PLCG2: variants seen among roughly 807,000 people sequenced by gnomAD.
PLCG2 encodes the protein 1-phosphatidylinositol 4,5-bisphosphate phosphodiesterase gamma-2.
Under a neutral mutation model 175.6 loss-of-function variants are expected in PLCG2, and 69 were observed. The observed-to-expected ratio is 0.39, with a 90% CI of 0.32 to 0.48. The LOEUF (loss-of-function observed/expected upper bound fraction) is 0.48, where lower values mean the gene tolerates loss of function less well. Ranked by LOEUF, PLCG2 falls within the 20% of genes least tolerant of loss-of-function variation. PLCG2 has a pLI of 0.91. For synonymous variants in PLCG2, 827 were observed against 624.0 expected, an observed-to-expected ratio of 1.33 and a Z score of -4.85; for missense variants, 1,798 against 1,650.9, an observed-to-expected ratio of 1.09 and a Z score of -1.54.
At chr16:81,855,197 A>C (rs2143477333) in intron 3 of PLCG2, among the ~76,000 whole-genome samples, 1 of 151,780 alleles carries the variant, frequency 6.6e-6, no homozygotes, top group South Asian at 2.1e-4. Flanking sequence ...TGTCTCAAAA[A>C]AAAAAAAAAA....
At chr16:81,865,319 G>C (rs913962704) in intron 5 of PLCG2, among the ~76,000 whole-genome samples, 2 of 152,150 alleles carry the variant, frequency 1.3e-5, no homozygotes, top group Non-Finnish European at 2.9e-5. Context: ...GGCTCAGCCT[G>C]CCTGTGCTGG....
chr16:81,922,966 G>T (rs1168177489), intron 21 of PLCG2, among the ~76,000 whole-genome samples: 1 of 152,162 alleles, frequency 6.6e-6, no homozygotes, highest in Non-Finnish European at 1.5e-5. Context: ...GGTCCTGCAG[G>T]AGTGTAGATA....
intron 14 of PLCG2, among the ~76,000 whole-genome samples, chr16:81,902,344 T>A (rs1244562651): frequency 6.6e-6 from 1 of 152,176 alleles, no homozygotes; most frequent in African/African-American, 2.4e-5. Context: ...AGGAACTGAT[T>A]TCTCACGGTT....
At chr16:81,823,205 C>G (rs960020206) in intron 2 of PLCG2, among the ~76,000 whole-genome samples, 2 of 152,338 alleles carry the variant, frequency 1.3e-5, no homozygotes, top group East Asian at 3.9e-4. Flanking sequence ...GTTTTCAGTT[C>G]AGCCTAGGGG....
intron 1 of PLCG2, chr16:81,739,739 T>C (rs1781101834): frequency 2.0e-5 from 3 of 152,278 alleles, no homozygotes; most frequent in Admixed American, 2.0e-4. Context: ...GGCAAGGTAC[T>C]TAAACACCCT....
intron 2 of PLCG2, among the ~76,000 whole-genome samples, chr16:81,786,899 C>G (rs749473958): frequency 6.6e-6 from 1 of 152,222 alleles, no homozygotes; most frequent in Non-Finnish European, 1.5e-5. Context: ...TTTCTCCTCC[C>G]TAAACCATCC....
intron 2 of PLCG2, among the ~76,000 whole-genome samples, chr16:81,831,439 G>A (rs890288206): frequency 3.3e-5 from 5 of 152,216 alleles, no homozygotes; most frequent in Non-Finnish European, 7.3e-5. Context: ...TAAGCACTTG[G>A]CCATGAACTT....
chr16:81,858,335 C>G lies in PLCG2; in HGVS notation c.410C>G (p.Ser137Cys). The G allele has an allele frequency of 6.2e-7, 1 of 1,613,270 alleles. No individual in the cohort carries two copies. The highest frequency in any genetic ancestry group is 1.3e-5 in the African/African-American group (1 of 75,018). ...KILHQEAMNA[S>C]TPTIIESWLR... is the part of the protein sequence containing the mutation. ...TTACACCAGGAAGCGATGAATGCGT[C>G]CACGCCCACCATTATCGAGAGGTAG... is the stretch of plus-strand genomic sequence containing the variant. Residue 137 changes from serine (S) to cysteine (C), a missense_variant, in exon 4 of 33, where the codon TCC (serine) becomes TGC (cysteine). By Grantham distance (112) the Ser-to-Cys change is moderately radical. Coordinates refer to ENST00000564138, the MANE Select transcript of PLCG2 (RefSeq NM_002661.5).
chr16:81,878,654 C>G (rs1189585687), intron 7 of PLCG2, among the ~76,000 whole-genome samples: 1 of 152,166 alleles, frequency 6.6e-6, no homozygotes, highest in Non-Finnish European at 1.5e-5. Flanking sequence ...AGCACTTCAT[C>G]TTGGCACGTC....
intron 31 of PLCG2, among the ~76,000 whole-genome samples, chr16:81,954,180 C>G (rs1228067149): frequency 6.6e-6 from 1 of 151,864 alleles, no homozygotes; most frequent in Non-Finnish European, 1.5e-5. Flanking sequence ...TGCCACCATG[C>G]CTGGCTAATT....
intron 2 of PLCG2, among the ~76,000 whole-genome samples, chr16:81,803,091 A>G (rs962850376): frequency 6.7e-6 from 1 of 149,344 alleles, no homozygotes; most frequent in African/African-American, 2.5e-5. Flanking sequence ...ATTTCTCACA[A>G]TACATGGCTT....
intron 1 of PLCG2, among the ~76,000 whole-genome samples, chr16:81,782,173 G>T (rs1910766336): frequency 6.6e-6 from 1 of 152,022 alleles, no homozygotes; most frequent in South Asian, 2.1e-4. Flanking sequence ...ACCGTGCCTG[G>T]CCCATTTTAT....
At chr16:81,839,526 A>G (rs1567491789) in intron 2 of PLCG2, among the ~76,000 whole-genome samples, 1 of 152,192 alleles carries the variant, frequency 6.6e-6, no homozygotes, top group Non-Finnish European at 1.5e-5. Context: ...ATATTTGCAT[A>G]CCATGAGTAC....
At chr16:81,853,913 CTTATTA>C (rs1200133260) in intron 2 of PLCG2, among the ~76,000 whole-genome samples, 1 of 152,078 alleles carries the variant, frequency 6.6e-6, no homozygotes, top group Admixed American at 6.6e-5. Context: ...GGGTTGGCCT[CTTATTA>C]TTATTTTTAA....
Position 81,910,865 on chromosome 16 carries a change from C to T in PLCG2, c.1934+145C>T, listed in dbSNP as rs531472087. 3.0e-5 allele frequency: 22 copies of T among 721,622 alleles called. No homozygotes were observed. In the East Asian group the frequency reaches 4.6e-4, roughly 15 times the overall value. 44.7% of individuals were successfully genotyped at this position (721,622 alleles called of 1,614,324 possible). ...CGGCATCTCAAAATTGCCGAGGTGGCCAGTTTCCAAATTCCTGGCACCATG... is the reference window on the plus strand; with the variant it reads ...CGGCATCTCAAAATTGCCGAGGTGGTCAGTTTCCAAATTCCTGGCACCATG... On this transcript the variant is annotated intron_variant, in intron 18 of 32. Coordinates refer to ENST00000564138, the MANE Select transcript of PLCG2 (RefSeq NM_002661.5).
upstream of PLCG2, among the ~76,000 whole-genome samples, chr16:81,778,081 C>CA (rs750579549): frequency 0.019 from 1,948 of 100,058 alleles, 176 homozygotes; most frequent in Non-Finnish European, 0.031. Flanking sequence ...CACACACACA[C>CA]AAAAAAAACG....
intron 15 of PLCG2, among the ~76,000 whole-genome samples, chr16:81,907,248 G>A (rs1208182439): frequency 6.6e-6 from 1 of 151,728 alleles, no homozygotes; most frequent in Non-Finnish European, 1.5e-5. Context: ...AGTGACCAAA[G>A]CTAAGAACTT....
At chr16:81,881,481 T>C (rs1214530707) in intron 8 of PLCG2, among the ~76,000 whole-genome samples, 1 of 152,162 alleles carries the variant, frequency 6.6e-6, no homozygotes, top group Non-Finnish European at 1.5e-5. Flanking sequence ...TTCTGAGATG[T>C]TATGTGTTTC....
intron 22 of PLCG2, among the ~76,000 whole-genome samples, chr16:81,924,487 G>A (rs1359834292): frequency 1.3e-5 from 2 of 152,226 alleles, no homozygotes; most frequent in Non-Finnish European, 2.9e-5. Context: ...GCATTTTACC[G>A]ATGAGGAAAC....
Sources: gnomAD v4.1 joint callset for allele counts (sites outside exome capture counted in the v4.1 genomes callset) on GRCh38, gnomAD v4.1.1 for gene constraint, MANE v1.5 for transcripts, NCBI Gene and HGNC (gene_info 2026-07-23, HGNC 2026-07-21) for gene names.